PRIMPOL: variants seen among roughly 807,000 people sequenced by gnomAD.
PRIMPOL encodes primase and DNA directed polymerase.
In PRIMPOL, 54 loss-of-function variants were observed where a neutral mutation model predicts 63.6. The observed-to-expected ratio is 0.85, with a 90% CI of 0.68 to 1.07. The LOEUF (loss-of-function observed/expected upper bound fraction) is 1.07. PRIMPOL is among the 50% of genes least tolerant of loss of function. The pLI is 0.00. For missense variants in PRIMPOL, 610 were observed against 648.3 expected (o/e 0.94, Z 0.64); for synonymous variants, 197 against 220.2 (o/e 0.89, Z 0.93).
intron 6 of PRIMPOL, among the ~76,000 whole-genome samples, chr4:184,666,474 T>C (rs1287037250): frequency 1.3e-5 from 2 of 152,118 alleles, no homozygotes; most frequent in African/African-American, 4.8e-5. Context: ...AAAAAAATAA[T>C]GGCAATGTGT....
At chr4:184,658,246 A>T (rs1001897344) in intron 3 of PRIMPOL, among the ~76,000 whole-genome samples, 4 of 152,244 alleles carry the variant, frequency 2.6e-5, no homozygotes, top group Middle Eastern at 3.4e-3. Context: ...GGCTTACTCA[A>T]ATCTCATGAG....
At chr4:184,665,885 A>G (rs754616570) in intron 5 of PRIMPOL, 32 bp from the exon 6 acceptor site, 6 of 1,439,500 alleles carry the variant, frequency 4.2e-6, no homozygotes, top group Middle Eastern at 2.0e-4. Flanking sequence ...AACAAAAAAT[A>G]TAAATTATTT....
At chr4:184,681,316 G>C (rs1755558688) in intron 8 of PRIMPOL, among the ~76,000 whole-genome samples, 1 of 151,838 alleles carries the variant, frequency 6.6e-6, no homozygotes, top group South Asian at 2.1e-4. Flanking sequence ...TTTGTGTTTG[G>C]TGAATAGAGT....
intron 13 of PRIMPOL, among the ~76,000 whole-genome samples, chr4:184,693,886 C>G (rs1759750494): frequency 6.6e-6 from 1 of 152,162 alleles, no homozygotes; most frequent in Non-Finnish European, 1.5e-5. Flanking sequence ...CCGGGCTGGT[C>G]TCAAACTCCT....
chr4:184,671,842 A>T (rs998037756), intron 6 of PRIMPOL, among the ~76,000 whole-genome samples: 2 of 144,108 alleles, frequency 1.4e-5, no homozygotes, highest in African/African-American at 5.2e-5. Context: ...TCCTGGGTTC[A>T]TGCCATTCGC....
In PRIMPOL at chr4:184,656,967, C is replaced by A. The variant is rs893641878; in HGVS notation, c.-59-115C>A. ...TTGCTCTCATTCTGTGGTAAAACTT[C>A]ATGCAAAGAATAAACAAGAAAATAA... On this transcript the variant is annotated intron_variant, in intron 2 of 13. Coordinates refer to ENST00000314970, the MANE Select transcript of PRIMPOL (RefSeq NM_152683.4). 4.5e-5 allele frequency: 22 copies of A among 490,078 alleles called. No individual in the cohort carries two copies. In the Admixed American group the frequency reaches 8.9e-4, roughly 20 times the overall value. The allele number at this position is 490,078 out of a possible 1,614,324, so 30.4% of individuals were successfully genotyped here.
chr4:184,665,804 C>T, intron 5 of PRIMPOL, 113 bp from the exon 6 acceptor site: 1 of 656,106 alleles, frequency 1.5e-6, no homozygotes. Context: ...CACGCCTGAT[C>T]AGAAATTAAT....
At position 184,650,971 on chromosome 4, in the gene PRIMPOL, G is replaced by GGTTTAAAGAGGTTAAGGCCGA. The variant is rs572702309; in HGVS notation, c.-137-1035_-137-1015dup. Among the ~76,000 whole-genome samples the GGTTTAAAGAGGTTAAGGCCGA allele has an allele frequency of 1.6e-3, 243 of 152,236 alleles. 1 individual carries two copies. The highest frequency in any genetic ancestry group is 5.7e-3 in the African/African-American group (237 of 41,510). ...AGGAATTCCAATTTAAAGAGGATAA[G>GGTTTAAAGAGGTTAAGGCCGA]GTTTAAAGAGGTTAAGGCCGAGTTT... On this transcript the variant is annotated intron_variant, in intron 1 of 13. Coordinates refer to ENST00000314970, the MANE Select transcript of PRIMPOL (RefSeq NM_152683.4).
intron 5 of PRIMPOL, among the ~76,000 whole-genome samples, chr4:184,665,379 T>C (rs536276488): frequency 2.0e-4 from 30 of 152,118 alleles, no homozygotes; most frequent in Non-Finnish European, 3.2e-4. Context: ...CTTTCTATTG[T>C]GCATGGCCTT....
intron 7 of PRIMPOL, among the ~76,000 whole-genome samples, chr4:184,673,223 G>A (rs4862402): frequency 0.86 from 129,138 of 149,664 alleles, 55,824 homozygotes; most frequent in East Asian, 1. Context: ...TCCGCCTCCC[G>A]GGTTCACGCC....
chr4:184,672,433 G>A lies in PRIMPOL; in HGVS notation c.817G>A (p.Gly273Arg). ...ATTTCTAGTTGTGAAGAATAACATG[G>A]GAGAGAAGCATCTTTTTGTAGATCT... Reference protein sequence around the residue: ...LSFLVVKNNMGEKHLFVDLGV... With the variant: ...LSFLVVKNNMREKHLFVDLGV... The change falls in exon 7 of 14, where the codon GGA becomes AGA. Residue 273 changes from glycine (G) to arginine (R), a missense_variant. Gly to Arg is a moderately radical substitution (Grantham distance 125, BLOSUM62 -2). Around this residue, in one of 3 missense-constraint regions of PRIMPOL, gnomAD observed 444 missense variants for 456.4 expected, o/e 0.97. Coordinates refer to ENST00000314970, the MANE Select transcript of PRIMPOL (RefSeq NM_152683.4). 1 of 1,610,096 alleles carries A rather than the reference G, an allele frequency of 6.2e-7. No homozygotes were observed. Among genetic ancestry groups the A allele is most frequent in the East Asian group, 2.2e-5 (1 of 44,862 alleles).
At chr4:184,668,873 A>G (rs1270000311) in intron 6 of PRIMPOL, among the ~76,000 whole-genome samples, 1 of 151,140 alleles carries the variant, frequency 6.6e-6, no homozygotes, top group Non-Finnish European at 1.5e-5. Flanking sequence ...ATTATCAATA[A>G]TATTACTAAT....
chr4:184,665,116 G>T (rs1262785844), intron 5 of PRIMPOL, among the ~76,000 whole-genome samples: 1 of 152,182 alleles, frequency 6.6e-6, no homozygotes, highest in Non-Finnish European at 1.5e-5. Flanking sequence ...TTTTGCAAAT[G>T]AGAAAATTGA....
intron 4 of PRIMPOL, among the ~76,000 whole-genome samples, chr4:184,660,914 C>T (rs1748143865): frequency 6.6e-6 from 1 of 152,220 alleles, no homozygotes; most frequent in South Asian, 2.1e-4. Flanking sequence ...GCATCTCTCC[C>T]TATTTAACCC....
intron 4 of PRIMPOL, among the ~76,000 whole-genome samples, chr4:184,660,974 G>A (rs1219498693): frequency 6.6e-6 from 1 of 152,172 alleles, no homozygotes; most frequent in Non-Finnish European, 1.5e-5. Flanking sequence ...CTGCAAACAT[G>A]AGCGTTGGGA....
intron 13 of PRIMPOL, chr4:184,694,123 T>G (rs949758115): frequency 1.1e-5 from 7 of 625,122 alleles, no homozygotes; most frequent in Non-Finnish European, 1.4e-5. Flanking sequence ...AATCCATGTT[T>G]ACGATTTGCT....
chr4:184,685,027 C>T (rs1458274995), intron 9 of PRIMPOL, among the ~76,000 whole-genome samples: 1 of 151,992 alleles, frequency 6.6e-6, no homozygotes, highest in Non-Finnish European at 1.5e-5. Context: ...TGTTGAAGTT[C>T]TGTGAGATTG....
chr4:184,685,462 G>A lies in PRIMPOL; in HGVS notation c.1150G>A (p.Val384Ile), dbSNP rs140319809. 9 of 1,612,986 alleles carry A rather than the reference G, an allele frequency of 5.6e-6. No homozygotes were observed. The highest frequency in any genetic ancestry group is 1.3e-5 in the African/African-American group (1 of 74,890). The change falls in exon 10 of 14, where the codon GTT becomes ATT. Residue 384 changes from valine (V) to isoleucine (I), a missense_variant. Physicochemically the swap from Val to Ile is conservative, Grantham distance 29. This residue lies in a region of PRIMPOL where 444 missense variants were observed against 456.4 expected (regional missense o/e 0.97). Coordinates refer to ENST00000314970, the MANE Select transcript of PRIMPOL (RefSeq NM_152683.4). ...TCCCTATCCTGAAGTTGATCATTTT[G>A]TTCTTTCTTTGGTGAATAAAGATGG... ...CSPYPEVDHF[V>I]LSLVNKDGIK...
Position 184,658,072 on chromosome 4 carries a change from C to T in PRIMPOL, c.180+752C>T, listed in dbSNP as rs539379128. Among the ~76,000 whole-genome samples, 8 of 137,992 alleles carry T rather than the reference C, an allele frequency of 5.8e-5. No homozygotes were observed. The South Asian group carries it at 6.5e-4, about 11-fold the overall frequency. 90.5% of individuals were successfully genotyped at this position (137,992 alleles called of 152,430 possible). On this transcript the variant is annotated intron_variant, in intron 3 of 13. Transcript: ENST00000314970. ...AAGCAACAGATGTGTATTGCACATTCTTTTTTTTTTTTGGGGCACTGTGGG... is the reference window on the plus strand; with the variant it reads ...AAGCAACAGATGTGTATTGCACATTTTTTTTTTTTTTTGGGGCACTGTGGG...
Sources: gnomAD v4.1 joint callset for allele counts (sites outside exome capture counted in the v4.1 genomes callset) on GRCh38, gnomAD v4.1.1 for gene constraint, gnomAD v4.1.1 regional missense constraint, MANE v1.5 for transcripts, NCBI Gene and HGNC (gene_info 2026-07-23, HGNC 2026-07-21) for gene names.